Variants in PPP6R1 observed in about 807,000 individuals in gnomAD.
PPP6R1 encodes protein phosphatase 6 regulatory subunit 1.
A neutral mutation model predicts 104.6 loss-of-function variants in PPP6R1; 39 were observed. That is an observed-to-expected ratio of 0.37 (90% CI 0.29 to 0.49). The LOEUF is 0.49. Ranked by LOEUF, PPP6R1 falls within the 20% of genes least tolerant of loss-of-function variation. The pLI is 0.98. For synonymous variants in PPP6R1, 549 were observed against 479.0 expected, an observed-to-expected ratio of 1.15 and a Z score of -1.91; for missense variants, 1,181 against 1,155.8, an observed-to-expected ratio of 1.02 and a Z score of -0.32.
chr19:55,233,826 G>A (rs1172495963), intron 17 of PPP6R1, among the ~76,000 whole-genome samples: 1 of 152,214 alleles, frequency 6.6e-6, no homozygotes, highest in East Asian at 1.9e-4. Context: ...GAAGACGCAA[G>A]GTGGCTTCTT....
chr19:55,242,110 G>A, intron 7 of PPP6R1, 56 bp downstream of exon 7: 2 of 1,531,196 alleles, frequency 1.3e-6, no homozygotes, highest in Non-Finnish European at 8.9e-7. Context: ...CCTCTGAGGG[G>A]CCGGAGAGCC....
At chr19:55,255,021 G>C (rs1823858262) in intron 1 of PPP6R1, among the ~76,000 whole-genome samples, 1 of 152,216 alleles carries the variant, frequency 6.6e-6, no homozygotes, top group African/African-American at 2.4e-5. Flanking sequence ...GGGGCCAGAG[G>C]AGAAGGGGGA....
intron 15 of PPP6R1, among the ~76,000 whole-genome samples, chr19:55,237,839 T>G (rs1275739051): frequency 6.6e-6 from 1 of 152,196 alleles, no homozygotes; most frequent in African/African-American, 2.4e-5. Context: ...CTACAGGAGC[T>G]ATGCGGGGCA....
rs183975736 is a variant in PPP6R1, at chr19:55,258,810, C to G, written c.-382G>C. On this transcript the variant is annotated 5_prime_UTR_variant, in exon 1 of 24. Coordinates refer to ENST00000412770, the MANE Select transcript of PPP6R1 (RefSeq NM_014931.4). ...AGCCGGGAAGACGGGGGAAGTTGCC[C>G]CGGTTTCCACAGTCCAACCGAGCGC... is the stretch of plus-strand genomic sequence containing the variant. 5.5e-4 allele frequency: 83 copies of G among 152,208 alleles called. 1 individual carries two copies. The highest frequency in any genetic ancestry group is 1.9e-3 in the African/African-American group (81 of 41,546). 9.4% of individuals were successfully genotyped at this position (152,208 alleles called of 1,614,324 possible).
At chr19:55,240,426 G>A (rs981762199) in intron 10 of PPP6R1, 126 bp from the exon 11 acceptor site, 1 of 963,182 alleles carries the variant, frequency 1.0e-6, no homozygotes, top group Non-Finnish European at 1.6e-6. Flanking sequence ...CAGAGACGGG[G>A]ATGGGAAGGA....
intron 1 of PPP6R1, among the ~76,000 whole-genome samples, chr19:55,251,131 G>T (rs927733950): frequency 6.6e-6 from 1 of 152,130 alleles, no homozygotes; most frequent in Non-Finnish European, 1.5e-5. Flanking sequence ...CCCCAGCCCC[G>T]CCTTTGTCCA....
chr19:55,230,692 G>C lies in PPP6R1; in HGVS notation c.2571-8C>G. 6.3e-7 allele frequency: 1 copy of C among 1,576,694 alleles called. No individual in the cohort carries two copies. Among genetic ancestry groups the C allele is most frequent in the South Asian group, 1.2e-5 (1 of 86,404 alleles). ...GGCGTGAGGGCCTGGGCACTGTCAG[G>C]GGAGAGAGGGGATGTGCAGAGGTCA... On this transcript the variant is annotated splice_polypyrimidine_tract_variant and splice_region_variant and intron_variant, in intron 22 of 23. Coordinates refer to ENST00000412770, the MANE Select transcript of PPP6R1 (RefSeq NM_014931.4).
Position 55,236,691 on chromosome 19 carries a change from C to T in PPP6R1, c.1940G>A (p.Gly647Asp), listed in dbSNP as rs554924379. 7.5e-6 allele frequency: 12 copies of T among 1,607,860 alleles called. No homozygotes were observed. The African/African-American group carries it at 1.2e-4, about 16-fold the overall frequency. ...ESDGEDGAWQ[G>D]SQLARGARLG... Reference sequence around the variant, plus strand: ...ACGGGCCCCCCTGGCCAGCTGGCTGCCCTGCCAGGCGCCATCTTCTCCATC... The same window carrying T: ...ACGGGCCCCCCTGGCCAGCTGGCTGTCCTGCCAGGCGCCATCTTCTCCATC... The change falls in exon 17 of 24, where the codon GGC (glycine) becomes GAC (aspartate). Residue 647 changes from glycine (G) to aspartate (D), a missense_variant. Gly to Asp is a moderately conservative substitution (Grantham distance 94). Transcript: ENST00000412770.
At chr19:55,230,942 C>A in intron 21 of PPP6R1, 58 bp from the exon 22 acceptor site, 1 of 1,370,394 alleles carries the variant, frequency 7.3e-7, no homozygotes, top group Non-Finnish European at 1.0e-6. Context: ...CCTGCTGACA[C>A]CCTCACATCC....
chr19:55,250,228 A>G (rs2087542794), intron 1 of PPP6R1, among the ~76,000 whole-genome samples: 2 of 152,006 alleles, frequency 1.3e-5, no homozygotes, highest in African/African-American at 2.4e-5. Flanking sequence ...ACCTCCACCA[A>G]CTCTCACAAC....
chr19:55,249,712 G>A (rs183378314), intron 1 of PPP6R1, among the ~76,000 whole-genome samples: 2 of 152,230 alleles, frequency 1.3e-5, no homozygotes, highest in East Asian at 2.0e-4. Flanking sequence ...ATGGTGGTGT[G>A]TGCCTATAGT....
At chr19:55,240,625 A>G (rs548407252) in intron 10 of PPP6R1, among the ~76,000 whole-genome samples, 1 of 136,652 alleles carries the variant, frequency 7.3e-6, no homozygotes, top group East Asian at 2.0e-4. Flanking sequence ...ACTCACACAC[A>G]TACATGCTCT....
rs79680817 is a variant in PPP6R1 at position 55,250,227 on chromosome 19, A to G, written c.-6-3118T>C. On this transcript the variant is annotated intron_variant, in intron 1 of 23. Transcript: ENST00000412770. ...GGACTTCACAGCCATCACCTCCACC[A>G]ACTCTCACAACCACCCTCCAGGGAA... is the stretch of plus-strand genomic sequence containing the variant. Among the ~76,000 whole-genome samples, 1,022 of 152,254 alleles carry G rather than the reference A, an allele frequency of 6.7e-3. 18 individuals carry two copies. Among genetic ancestry groups the G allele is most frequent in the East Asian group, 0.058 (300 of 5,184 alleles).
At position 55,236,764 on chromosome 19, in the gene PPP6R1, C is replaced by A. The variant is rs1311334386; in HGVS notation, c.1867G>T (p.Asp623Tyr). The change falls in exon 17 of 24, where the codon GAT becomes TAT. Residue 623 changes from aspartate to tyrosine, a missense_variant. Coordinates refer to ENST00000412770, the MANE Select transcript of PPP6R1 (RefSeq NM_014931.4). ...TCTTCCTCGTCCTCCTCTTCCTCAT[C>A]ATCATCAAACTGCTGGATGCGGTCC... Reference protein sequence around the residue: ...YKDRIQQFDDDEEEEDEEEAQ... With the variant: ...YKDRIQQFDDYEEEEDEEEAQ... 2.5e-6 allele frequency: 4 copies of A among 1,614,010 alleles called. No homozygotes were observed. In the Admixed American group the frequency reaches 5.0e-5, roughly 20 times the overall value.
intron 1 of PPP6R1, among the ~76,000 whole-genome samples, chr19:55,258,191 G>C (rs1274895405): frequency 6.6e-6 from 1 of 152,234 alleles, no homozygotes; most frequent in Non-Finnish European, 1.5e-5. Context: ...GGAAAAGGCC[G>C]AGAGCAAGAG....
intron 5 of PPP6R1, 120 bp from the exon 6 acceptor site, chr19:55,242,608 G>C (rs1220513288): frequency 1.2e-6 from 1 of 806,808 alleles, no homozygotes; most frequent in East Asian, 2.6e-5. Flanking sequence ...CAGACACAGG[G>C]ACACGTGTTA....
In PPP6R1 at chr19:55,245,132, C is replaced by T. The variant is rs1439931459; in HGVS notation, c.606G>A (p.Ser202=). 5.0e-6 allele frequency: 8 copies of T among 1,613,198 alleles called. No homozygotes were observed. The highest frequency in any genetic ancestry group is 2.2e-5 in the South Asian group (2 of 90,868). Residue 202 remains serine (S), a synonymous_variant, in exon 5 of 24, where the codon TCG becomes TCA. Coordinates refer to ENST00000412770, the MANE Select transcript of PPP6R1 (RefSeq NM_014931.4). The surrounding 1 kb of genome is among the most constrained non-coding windows in gnomAD (Gnocchi z 6.4). ...CGGCAGCACTCACATTCTCATCCTT[C>T]GACGGGTGGATCTGCTCAATCAGCC... ...VQRLIEQIHP[S]KDENQHSNAS...
Position 55,247,892 on chromosome 19 carries a change from G to C in PPP6R1, c.-6-783C>G, listed in dbSNP as rs182167610. Among the ~76,000 whole-genome samples, 45 of 152,312 alleles carry C rather than the reference G, an allele frequency of 3.0e-4. 1 individual carries two copies. In the East Asian group the frequency reaches 7.7e-3, roughly 26 times the overall value. ...ACCTGAAGGAACCCAGGGTGGGATA[G>C]ACAGATTCTGTGGGGGAAGAACAAA... On this transcript the variant is annotated intron_variant, in intron 1 of 23. Coordinates refer to ENST00000412770, the MANE Select transcript of PPP6R1 (RefSeq NM_014931.4).
chr19:55,231,957 G>A lies in PPP6R1; in HGVS notation c.2151C>T (p.Asp717=). 1 of 1,596,136 alleles carries A rather than the reference G, an allele frequency of 6.3e-7. No individual in the cohort carries two copies. Residue 717 remains aspartate (D), a synonymous_variant, in exon 19 of 24, where the codon GAC becomes GAT. Coordinates refer to ENST00000412770, the MANE Select transcript of PPP6R1 (RefSeq NM_014931.4). ...TGGTCGGGGCATCTGTAGGCACTGG[G>A]TCAAAGGTGGCTGTCCAGCTGGGGC... ...PPGPSWTATF[D]PVPTDAPTSP... is the part of the protein sequence containing the mutation.
Sources: allele counts gnomAD v4.1 joint callset (sites outside exome capture counted in the v4.1 genomes callset), GRCh38; gene constraint gnomAD v4.1.1; non-coding constraint Gnocchi (gnomAD v3.1); transcripts MANE v1.5; gene names NCBI Gene and HGNC (gene_info 2026-07-23, HGNC 2026-07-21).